Variants in PDE4D observed in about 807,000 individuals in gnomAD.
The protein encoded by PDE4D is phosphodiesterase 4D.
In PDE4D, 24 loss-of-function variants were observed where a neutral mutation model predicts 87.4. That is an observed-to-expected ratio of 0.27 (90% confidence interval 0.20 to 0.39). The LOEUF is 0.39. Ranked by LOEUF, PDE4D falls within the 10% of genes least tolerant of loss-of-function variation. The pLI, the probability that PDE4D is intolerant of heterozygous loss-of-function variation, is 1.00. For missense variants in PDE4D, 714 were observed against 1,041.0 expected (o/e 0.69, Z 4.32); for synonymous variants, 384 against 383.2 (o/e 1.00, Z -0.02).
rs142768445 is a variant in PDE4D at position 59,803,210 on chromosome 5, C to A, written c.455+89958G>T. On this transcript the variant is annotated intron_variant, in intron 1 of 14. Coordinates refer to ENST00000340635, the MANE Select transcript of PDE4D (RefSeq NM_001104631.2). ...TCAGAATGTGGAGCCAGGTCTGCAG[C>A]GTCACTATCACCTGGGAGCTCATTA... Among the ~76,000 whole-genome samples the A allele has an allele frequency of 6.4e-3, 974 of 152,032 alleles. 8 individuals are homozygous for A. Among genetic ancestry groups the A allele is most frequent in the Non-Finnish European group, 1.0e-2 (678 of 67,990 alleles).
chr5:60,379,202 A>AC (rs1295766395), intron 1 of PDE4D, among the ~76,000 whole-genome samples: 1 of 151,806 alleles, frequency 6.6e-6, no homozygotes, highest in African/African-American at 2.4e-5. Flanking sequence ...AAAAAAAAAA[A>AC]AACATTAAAA....
chr5:59,892,505 A>AC (rs1751101133), intron 1 of PDE4D, among the ~76,000 whole-genome samples: 1 of 150,310 alleles, frequency 6.7e-6, no homozygotes, highest in Non-Finnish European at 1.5e-5. Flanking sequence ...TCCCTCCCTC[A>AC]CCCCCTTGTC....
chr5:60,460,456 C>T, intron 1 of PDE4D: 1 of 1,518,828 alleles, frequency 6.6e-7, no homozygotes, highest in Non-Finnish European at 9.1e-7. Context: ...TGTTGTTACC[C>T]CAAAATTTGG....
At chr5:59,672,044 T>C (rs768806797) in intron 1 of PDE4D, among the ~76,000 whole-genome samples, 2 of 152,066 alleles carry the variant, frequency 1.3e-5, no homozygotes, top group African/African-American at 4.8e-5. Context: ...CTCTTGAAGA[T>C]GAGATATTCA....
chr5:59,731,146 G>A (rs1757308697), intron 1 of PDE4D, among the ~76,000 whole-genome samples: 1 of 152,038 alleles, frequency 6.6e-6, no homozygotes, highest in Non-Finnish European at 1.5e-5. Context: ...AGCTTCCCTG[G>A]AAGGTAGGGG....
At chr5:60,166,814 G>T (rs1782948874) in intron 2 of PDE4D, among the ~76,000 whole-genome samples, 1 of 151,810 alleles carries the variant, frequency 6.6e-6, no homozygotes, top group Non-Finnish European at 1.5e-5. Flanking sequence ...TGGCTTTTCT[G>T]TGTATAGCAT....
chr5:59,857,933 A>G (rs60774517), intron 1 of PDE4D, among the ~76,000 whole-genome samples: 13,071 of 144,204 alleles, frequency 0.091, 2,052 homozygotes, highest in African/African-American at 0.32. Flanking sequence ...GGGAGGGAGG[A>G]AAGCACATAG....
At position 60,328,796 on chromosome 5, in the gene PDE4D, C is replaced by T. The variant is rs181152096; in HGVS notation, c.-89-143109G>A. ...TATAAGGATTAGTTTGAACTAAGGGCACTTGAATAACAGCAGATGCAAAAA... is the reference window on the plus strand; with the variant it reads ...TATAAGGATTAGTTTGAACTAAGGGTACTTGAATAACAGCAGATGCAAAAA... On this transcript the variant is annotated intron_variant, in intron 1 of 16. Transcript: ENST00000502484. Among the ~76,000 whole-genome samples, 5 of 152,272 alleles carry T rather than the reference C, an allele frequency of 3.3e-5. No homozygotes were observed. In the East Asian group the frequency reaches 9.6e-4, roughly 29 times the overall value.
chr5:59,308,586 C>T (rs1402171036), intron 1 of PDE4D, among the ~76,000 whole-genome samples: 1 of 151,770 alleles, frequency 6.6e-6, no homozygotes, highest in Non-Finnish European at 1.5e-5. Context: ...TGTAGGCTTT[C>T]TGCTGAGAAA....
intron 1 of PDE4D, among the ~76,000 whole-genome samples, chr5:60,337,388 T>TATATACACACAC (rs66871903): frequency 6.7e-4 from 60 of 89,436 alleles, no homozygotes; most frequent in South Asian, 1.8e-3. Context: ...TATATATATA[T>TATATACACACAC]ACACACACAC....
rs531632411 is a variant in PDE4D, at chr5:60,051,104, A to G, written c.43-62387T>C. On this transcript the variant is annotated intron_variant, in intron 2 of 16. Coordinates refer to the PDE4D transcript ENST00000502484. The stretch of plus-strand genomic sequence containing the variant: ...CACAATAATATTGGGAGACTTTAAC[A>G]CCCCACTGTCAATATTAGACACATC... 7.2e-5 allele frequency among the ~76,000 whole-genome samples: 11 copies of G among 152,168 alleles called. No homozygotes were observed. In the South Asian group the frequency reaches 2.3e-3, roughly 32 times the overall value.
chr5:59,895,786 A>G (rs1751573101), upstream of PDE4D, among the ~76,000 whole-genome samples: 1 of 152,334 alleles, frequency 6.6e-6, no homozygotes, highest in African/African-American at 2.4e-5. Context: ...TTTCTCATAC[A>G]CTAACAGTAC....
chr5:60,251,749 G>A (rs942880541), intron 1 of PDE4D, among the ~76,000 whole-genome samples: 2 of 151,814 alleles, frequency 1.3e-5, no homozygotes, highest in East Asian at 3.9e-4. Flanking sequence ...AGGATTGCTG[G>A]GCCGAATGGT....
At chr5:59,326,217 T>A (rs1050592204) in intron 1 of PDE4D, among the ~76,000 whole-genome samples, 2 of 152,028 alleles carry the variant, frequency 1.3e-5, no homozygotes, top group Admixed American at 6.6e-5. Context: ...TGTATACATA[T>A]GTAACAAACC....
At chr5:60,464,866 T>C (rs935266173) in intron 1 of PDE4D, among the ~76,000 whole-genome samples, 2 of 151,948 alleles carry the variant, frequency 1.3e-5, no homozygotes, top group Admixed American at 6.6e-5. Context: ...CTTTCGGAGG[T>C]CAAGGTGGGA....
At chr5:60,421,946 G>C (rs774113010) in intron 1 of PDE4D, among the ~76,000 whole-genome samples, 1 of 152,186 alleles carries the variant, frequency 6.6e-6, no homozygotes, top group African/African-American at 2.4e-5. Flanking sequence ...GGATATCACT[G>C]ACTGAAGATC....
intron 1 of PDE4D, among the ~76,000 whole-genome samples, chr5:59,725,201 A>C (rs1756424931): frequency 6.6e-6 from 1 of 151,994 alleles, no homozygotes; most frequent in African/African-American, 2.4e-5. Context: ...CTCCTCAGGC[A>C]GCGCTGCTCA....
chr5:60,271,901 G>A, intron 1 of PDE4D, among the ~76,000 whole-genome samples: 1 of 152,186 alleles, frequency 6.6e-6, no homozygotes, highest in East Asian at 1.9e-4. Context: ...CTAATTGCAG[G>A]AAATGAAGCT....
intron 1 of PDE4D, among the ~76,000 whole-genome samples, chr5:60,215,206 A>C (rs982913240): frequency 6.6e-6 from 1 of 152,212 alleles, no homozygotes; most frequent in African/African-American, 2.4e-5. Flanking sequence ...AATTGGAAAT[A>C]CTACTTAAAG....
Sources: allele counts gnomAD v4.1 joint callset (sites outside exome capture counted in the v4.1 genomes callset), GRCh38; gene constraint gnomAD v4.1.1; transcripts MANE v1.5; gene names NCBI Gene and HGNC (gene_info 2026-07-23, HGNC 2026-07-21).